TENM2: variants seen among roughly 807,000 people sequenced by gnomAD.
The protein encoded by TENM2 is teneurin transmembrane protein 2.
In TENM2, 52 loss-of-function variants were observed where a neutral mutation model predicts 245.2. That is an observed-to-expected ratio of 0.21 (90% CI 0.17 to 0.27). TENM2 has a LOEUF of 0.27. Ranked by LOEUF, TENM2 falls within the 10% of genes least tolerant of loss-of-function variation. The pLI is 1.00. For synonymous variants in TENM2, 1,363 were observed against 1,438.9 expected (o/e 0.95, Z 1.19); for missense variants, 3,046 against 3,666.8 (o/e 0.83, Z 4.37).
the TENM2 span, among the ~76,000 whole-genome samples, chr5:167,159,186 G>GC: frequency 6.6e-6 from 1 of 151,636 alleles, no homozygotes; most frequent in Non-Finnish European, 1.5e-5. Flanking sequence ...CAGGTGATCT[G>GC]CCCACCGAGG....
intron 7 of TENM2, chr5:168,087,312 T>C (rs940808837): frequency 6.6e-6 from 1 of 152,168 alleles, no homozygotes; most frequent in Non-Finnish European, 1.5e-5. Context: ...CCTGTTGTCC[T>C]ATAAGAAATT....
intron 2 of TENM2, among the ~76,000 whole-genome samples, chr5:167,729,871 G>A (rs926943054): frequency 3.9e-5 from 6 of 152,308 alleles, no homozygotes; most frequent in South Asian, 4.1e-4. Context: ...CCACCAGACC[G>A]TGAGCACTTG....
At chr5:167,858,602 T>G (rs1446031376) in intron 2 of TENM2, among the ~76,000 whole-genome samples, 1 of 151,810 alleles carries the variant, frequency 6.6e-6, no homozygotes, top group Non-Finnish European at 1.5e-5. Flanking sequence ...CCGGCCATGG[T>G]GGCCGCGGGT....
chr5:167,389,059 A>G (rs1251581262), intron 2 of TENM2, among the ~76,000 whole-genome samples: 3 of 152,004 alleles, frequency 2.0e-5, no homozygotes, highest in Non-Finnish European at 2.9e-5. Context: ...ACAGAATCCT[A>G]ATGCTACCAG....
the TENM2 span, among the ~76,000 whole-genome samples, chr5:167,081,334 C>T: frequency 1.3e-5 from 2 of 152,004 alleles, no homozygotes; most frequent in East Asian, 1.9e-4. Context: ...TAACCTTTCT[C>T]GTTTCATACC....
chr5:167,855,427 C>CAT (rs1275462838), intron 2 of TENM2, among the ~76,000 whole-genome samples: 6 of 151,976 alleles, frequency 3.9e-5, no homozygotes, highest in South Asian at 2.1e-4. Context: ...TATATGCATA[C>CAT]ATATATATAT....
chr5:167,070,097 C>T, the TENM2 span, among the ~76,000 whole-genome samples: 1 of 101,814 alleles, frequency 9.8e-6, no homozygotes, highest in Admixed American at 9.0e-5. Flanking sequence ...CTCATTTATT[C>T]ATTTGACAAA....
intron 5 of TENM2, among the ~76,000 whole-genome samples, chr5:168,041,650 G>T (rs1788198996): frequency 1.3e-5 from 2 of 152,134 alleles, no homozygotes; most frequent in African/African-American, 4.8e-5. Context: ...TTTCACTTAT[G>T]TGTTTAGTTT....
At chr5:167,034,223 A>T in the TENM2 span, among the ~76,000 whole-genome samples, 1 of 152,230 alleles carries the variant, frequency 6.6e-6, no homozygotes, top group East Asian at 1.9e-4. Flanking sequence ...ATTCGCTTAT[A>T]CATGTTAGAA....
At chr5:167,675,152 A>G (rs1756232321) in intron 2 of TENM2, among the ~76,000 whole-genome samples, 1 of 152,144 alleles carries the variant, frequency 6.6e-6, no homozygotes, top group Non-Finnish European at 1.5e-5. Context: ...GAGAGTTTGT[A>G]AGTGCTTATA....
chr5:167,161,196 A>T, the TENM2 span, among the ~76,000 whole-genome samples: 1 of 152,216 alleles, frequency 6.6e-6, no homozygotes, highest in Non-Finnish European at 1.5e-5. Context: ...CTAATATGTT[A>T]TGCAGCATTT....
intron 2 of TENM2, among the ~76,000 whole-genome samples, chr5:167,624,078 C>T (rs1778347904): frequency 6.6e-6 from 1 of 152,076 alleles, no homozygotes; most frequent in South Asian, 2.1e-4. Context: ...TAAGTTTATA[C>T]CCATAGGAAA....
intron 2 of TENM2, among the ~76,000 whole-genome samples, chr5:167,753,102 C>A (rs571391024): frequency 6.6e-6 from 1 of 152,248 alleles, no homozygotes; most frequent in African/African-American, 2.4e-5. Context: ...AGTTTGCATT[C>A]TTAGACCACA....
chr5:167,449,636 G>C (rs942168140), intron 2 of TENM2, among the ~76,000 whole-genome samples: 3 of 152,098 alleles, frequency 2.0e-5, no homozygotes, highest in African/African-American at 7.2e-5. Context: ...CATGTATACT[G>C]AGTGAAAACA....
the TENM2 span, among the ~76,000 whole-genome samples, chr5:167,083,151 G>C: frequency 6.6e-6 from 1 of 152,188 alleles, no homozygotes; most frequent in South Asian, 2.1e-4. Context: ...GCAAATGTGT[G>C]AGACTCAAGC....
chr5:167,573,794 C>G (rs1054534517), intron 2 of TENM2, among the ~76,000 whole-genome samples: 1 of 151,276 alleles, frequency 6.6e-6, no homozygotes, highest in South Asian at 2.1e-4. Context: ...GGTGGCGTCA[C>G]ATTGCTCCCC....
At chr5:167,552,944 A>AATGG (rs1257750997) in intron 2 of TENM2, among the ~76,000 whole-genome samples, 1 of 152,152 alleles carries the variant, frequency 6.6e-6, no homozygotes, top group Non-Finnish European at 1.5e-5. Flanking sequence ...TGAATGAATG[A>AATGG]ATGAATAAGT....
At chr5:168,094,786 G>T (rs1192131331) in intron 8 of TENM2, among the ~76,000 whole-genome samples, 1 of 152,040 alleles carries the variant, frequency 6.6e-6, no homozygotes, top group Non-Finnish European at 1.5e-5. Context: ...GAACTGGGCC[G>T]CAGAGCAAGA....
intron 2 of TENM2, among the ~76,000 whole-genome samples, chr5:167,490,818 A>G (rs1582190517): frequency 6.6e-6 from 1 of 152,182 alleles, no homozygotes; most frequent in African/African-American, 2.4e-5. Flanking sequence ...GTCTAACTCA[A>G]CTTCCTTAAC....
Sources: allele counts gnomAD v4.1 joint callset (sites outside exome capture counted in the v4.1 genomes callset), GRCh38; gene constraint gnomAD v4.1.1; transcripts MANE v1.5; gene names NCBI Gene and HGNC (gene_info 2026-07-23, HGNC 2026-07-21).